Variants in CERS6 observed in about 807,000 individuals in gnomAD.
CERS6 encodes the protein LAG1 homolog, ceramide synthase 6.
CERS6 carries 26 observed loss-of-function variants against 56.8 expected under a neutral mutation model. That is an observed-to-expected ratio of 0.46 (90% CI 0.34 to 0.63). The LOEUF is 0.63. CERS6 is among the 30% of genes least tolerant of loss of function. The pLI, the probability that CERS6 is intolerant of heterozygous loss-of-function variation, is 0.01. For missense variants in CERS6, 415 were observed against 467.5 expected (o/e 0.89, Z 1.04); for synonymous variants, 164 against 173.3 (o/e 0.95, Z 0.42).
chr2:168,769,566 A>G lies in CERS6; in HGVS notation c.1059A>G (p.Glu353=). 1 of 1,612,556 alleles carries G rather than the reference A, an allele frequency of 6.2e-7. No homozygotes were observed. Among genetic ancestry groups the G allele is most frequent in the Non-Finnish European group, 8.5e-7 (1 of 1,179,576 alleles). ...IESSSDEEDS[E]PPGKNPHTAT... is the part of the protein sequence containing the mutation. ...CTAGCTCAGATGAGGAGGACTCAGA[A>G]CCTCCGGGAAAGAATCCCCACACTG... Residue 353 remains glutamate, a synonymous_variant, in exon 10 of 10, where the codon GAA becomes GAG. Coordinates refer to ENST00000305747, the MANE Select transcript of CERS6 (RefSeq NM_203463.3).
intron 1 of CERS6, among the ~76,000 whole-genome samples, chr2:168,490,633 A>G (rs889070876): frequency 6.6e-6 from 1 of 152,148 alleles, no homozygotes; most frequent in African/African-American, 2.4e-5. Flanking sequence ...TTTCTCACTC[A>G]GGTCACAACC....
intron 6 of CERS6, among the ~76,000 whole-genome samples, chr2:168,697,033 G>C (rs993774976): frequency 1.3e-5 from 2 of 152,096 alleles, no homozygotes; most frequent in Non-Finnish European, 2.9e-5. Flanking sequence ...GTTGCAAACT[G>C]GTATCCAAGT....
chr2:168,637,474 C>A (rs80335307), intron 4 of CERS6, among the ~76,000 whole-genome samples: 1 of 151,666 alleles, frequency 6.6e-6, no homozygotes, highest in Non-Finnish European at 1.5e-5. Context: ...TAGAGTGAGA[C>A]GCCGTCTAAA....
intron 3 of CERS6, among the ~76,000 whole-genome samples, chr2:168,611,364 C>T (rs191552658): frequency 1.2e-4 from 19 of 152,304 alleles, no homozygotes; most frequent in Non-Finnish European, 2.8e-4. Context: ...TAACCAGCTC[C>T]TCAATTGCCT....
intron 4 of CERS6, among the ~76,000 whole-genome samples, chr2:168,631,797 A>ATATATATTTAT (rs1684747009): frequency 7.8e-6 from 1 of 127,886 alleles, no homozygotes; most frequent in Non-Finnish European, 1.6e-5. Flanking sequence ...GTTATATATA[A>ATATATATTTAT]TATATATTAT....
At chr2:168,505,703 A>C (rs528240154) in intron 1 of CERS6, among the ~76,000 whole-genome samples, 17 of 152,240 alleles carry the variant, frequency 1.1e-4, no homozygotes, top group Admixed American at 4.6e-4. Context: ...CAATTAAATT[A>C]ATTTGTTAGA....
rs576876407 is a variant in CERS6, at chr2:168,596,749, T to C, written c.408-34236T>C. Among the ~76,000 whole-genome samples, 5 of 152,012 alleles carry C rather than the reference T, an allele frequency of 3.3e-5. No individual in the cohort carries two copies. In the East Asian group the frequency reaches 7.7e-4, roughly 24 times the overall value. On this transcript the variant is annotated intron_variant, in intron 3 of 9. Coordinates refer to ENST00000305747, the MANE Select transcript of CERS6 (RefSeq NM_203463.3). ...GTTGGTGTTTTTAATAGAGATGGGG[T>C]TTCACCATGTTGGCCAGGCTGATCA...
At chr2:168,506,572 C>G (rs1459057394) in intron 1 of CERS6, among the ~76,000 whole-genome samples, 1 of 152,136 alleles carries the variant, frequency 6.6e-6, no homozygotes, top group Non-Finnish European at 1.5e-5. Context: ...ATGAGTTTGT[C>G]TTGGGGTTTG....
At chr2:168,526,319 T>C (rs1343654302) in intron 1 of CERS6, among the ~76,000 whole-genome samples, 2 of 152,178 alleles carry the variant, frequency 1.3e-5, no homozygotes, top group African/African-American at 4.8e-5. Flanking sequence ...ATCCTGTGAG[T>C]TTCCATTGCT....
rs571756308 is a variant in CERS6, at chr2:168,598,634, T to TG, written c.408-32350dup. Among the ~76,000 whole-genome samples the TG allele has an allele frequency of 1.5e-3, 235 of 152,108 alleles. 1 individual carries two copies. Among genetic ancestry groups the TG allele is most frequent in the South Asian group, 4.6e-3 (22 of 4,814 alleles). ...ATATCTAATAAAACTACAGGATTAG[T>TG]GAAAAAAAAGGTCCCAATTCCCCAA... On this transcript the variant is annotated intron_variant, in intron 3 of 9. Transcript: ENST00000305747.
chr2:168,743,049 G>A (rs1303757282), intron 8 of CERS6, among the ~76,000 whole-genome samples: 1 of 152,032 alleles, frequency 6.6e-6, no homozygotes, highest in African/African-American at 2.4e-5. Context: ...TCTTAGTTAA[G>A]GAAGGTATAG....
In CERS6 at chr2:168,500,692, A is replaced by G. The variant is rs75100304; in HGVS notation, c.170+44074A>G. 1.7e-3 allele frequency among the ~76,000 whole-genome samples: 252 copies of G among 152,292 alleles called. 8 individuals carry two copies. In the East Asian group the frequency reaches 0.037, roughly 22 times the overall value. On this transcript the variant is annotated intron_variant, in intron 1 of 9. Transcript: ENST00000305747. ...AAGAATTCAAACCAAAGGAGAAACC[A>G]CAGGTTCCATACAATCTCAAGGGAA...
intron 4 of CERS6, among the ~76,000 whole-genome samples, chr2:168,635,440 C>T (rs1415951596): frequency 2.0e-5 from 3 of 152,152 alleles, no homozygotes; most frequent in Non-Finnish European, 4.4e-5. Context: ...AGAAGCAAAA[C>T]AGAAAGGAGC....
chr2:168,611,129 A>T (rs904970052), intron 3 of CERS6, among the ~76,000 whole-genome samples: 1 of 152,194 alleles, frequency 6.6e-6, no homozygotes, highest in Non-Finnish European at 1.5e-5. Flanking sequence ...TTTTAATAGG[A>T]TTAATCACCA....
intron 1 of CERS6, among the ~76,000 whole-genome samples, chr2:168,524,422 T>C (rs1281655427): frequency 6.6e-6 from 1 of 152,180 alleles, no homozygotes; most frequent in East Asian, 1.9e-4. Flanking sequence ...GAGCTAAGTC[T>C]CAGTCTTCTC....
At chr2:168,636,435 C>T (rs1684861658) in intron 4 of CERS6, among the ~76,000 whole-genome samples, 1 of 152,144 alleles carries the variant, frequency 6.6e-6, no homozygotes, top group Non-Finnish European at 1.5e-5. Context: ...ATTGAGATTT[C>T]AGTCTTGACC....
chr2:168,483,927 T>C (rs116356663), intron 1 of CERS6, among the ~76,000 whole-genome samples: 2,660 of 152,236 alleles, frequency 0.017, 71 homozygotes, highest in African/African-American at 0.06. Flanking sequence ...TGGATTTGAA[T>C]TGCATTTTTA....
intron 6 of CERS6, among the ~76,000 whole-genome samples, chr2:168,710,407 C>T (rs1296235596): frequency 2.0e-5 from 3 of 152,158 alleles, no homozygotes; most frequent in South Asian, 4.1e-4. Context: ...TTTAGGTATT[C>T]AGCTGGTTAA....
At chr2:168,482,634 A>T (rs1246458997) in intron 1 of CERS6, among the ~76,000 whole-genome samples, 1 of 152,264 alleles carries the variant, frequency 6.6e-6, no homozygotes, top group African/African-American at 2.4e-5. Flanking sequence ...TGCTAAGAGA[A>T]AAGTTTCTGT....
Sources: allele counts gnomAD v4.1 joint callset (sites outside exome capture counted in the v4.1 genomes callset), GRCh38; gene constraint gnomAD v4.1.1; transcripts MANE v1.5; gene names NCBI Gene and HGNC (gene_info 2026-07-23, HGNC 2026-07-21).